The following ATP2C1 variants were observed in gnomAD, a reference collection of about 807,000 sequenced individuals.
ATP2C1 encodes the protein calcium-transporting ATPase type 2C member 1.
In ATP2C1, 31 loss-of-function variants were observed where a neutral mutation model predicts 120.5. The observed-to-expected ratio is 0.26, with a 90% CI of 0.19 to 0.35. ATP2C1 has a LOEUF of 0.35. Among genes scored for constraint, ATP2C1 ranks in the 10% least tolerant of loss-of-function variants. The probability of loss-of-function intolerance (pLI) is 1.00; values close to 1 mark genes in which losing one functional copy is unlikely to be tolerated. For synonymous variants in ATP2C1, 351 were observed against 358.7 expected (o/e 0.98, Z 0.24); for missense variants, 731 against 1,107.5 (o/e 0.66, Z 4.83).
chr3:130,972,221 A>G (rs192226008), intron 17 of ATP2C1, among the ~76,000 whole-genome samples: 52 of 152,292 alleles, frequency 3.4e-4, no homozygotes, highest in Admixed American at 9.1e-4. Context: ...GAGCTCAGGC[A>G]GTAGTGCTCT....
At chr3:130,953,683 T>C in intron 8 of ATP2C1, 138 bp from the exon 9 acceptor site, 6 of 901,928 alleles carry the variant, frequency 6.7e-6, no homozygotes, top group South Asian at 5.4e-5. Flanking sequence ...TCTGGTCTTT[T>C]AGAGTGATGG....
chr3:131,015,920 A>C (rs2063604211), intron 26 of ATP2C1: 5 of 672,574 alleles, frequency 7.4e-6, no homozygotes, highest in South Asian at 6.5e-5. Flanking sequence ...TTAAAATTGG[A>C]TTGAATCATG....
chr3:130,999,961 C>T (rs1316453019), intron 27 of ATP2C1, among the ~76,000 whole-genome samples: 1 of 152,114 alleles, frequency 6.6e-6, no homozygotes, highest in Non-Finnish European at 1.5e-5. Context: ...ACTATGCCAT[C>T]TTGTATGAAG....
chr3:130,940,905 ATTTTTTTTTTTTTTT>A (rs749879416), intron 7 of ATP2C1, among the ~76,000 whole-genome samples: 4 of 86,072 alleles, frequency 4.6e-5, no homozygotes, highest in South Asian at 4.6e-4. Context: ...TATTTAACAG[ATTTTTTTTTTTTTTT>A]TTTTTTTTTT....
chr3:130,909,603 A>G (rs2058294581), intron 2 of ATP2C1, among the ~76,000 whole-genome samples: 1 of 152,112 alleles, frequency 6.6e-6, no homozygotes, highest in African/African-American at 2.4e-5. Context: ...AGACTTCTCA[A>G]GGTATGGTTG....
intron 1 of ATP2C1, among the ~76,000 whole-genome samples, chr3:130,881,382 C>T (rs376201610): frequency 7.3e-5 from 11 of 151,026 alleles, no homozygotes; most frequent in African/African-American, 1.9e-4. Context: ...CCCTTCCCCT[C>T]CTTTGTCTCT....
intron 26 of ATP2C1, among the ~76,000 whole-genome samples, chr3:131,013,341 G>T (rs1190336123): frequency 6.6e-6 from 1 of 152,124 alleles, no homozygotes; most frequent in African/African-American, 2.4e-5. Flanking sequence ...AAAATGCTGG[G>T]TATGACTCAT....
chr3:130,893,947 A>G (rs2069329427), upstream of ATP2C1: 2 of 985,562 alleles, frequency 2.0e-6, no homozygotes, highest in South Asian at 9.4e-5. Flanking sequence ...GCCCGTGAAC[A>G]CGAATGCGCC....
At chr3:130,875,406 C>T (rs550972051) in intron 1 of ATP2C1, among the ~76,000 whole-genome samples, 1 of 152,298 alleles carries the variant, frequency 6.6e-6, no homozygotes, top group South Asian at 2.1e-4. Context: ...ATTTATTTCA[C>T]TTAACATAAC....
At chr3:130,940,558 T>C in intron 6 of ATP2C1, 72 bp from the exon 7 acceptor site, 1 of 984,538 alleles carries the variant, frequency 1.0e-6, no homozygotes, top group Non-Finnish European at 1.6e-6. Flanking sequence ...AAATAATGAT[T>C]GAGATTAATA....
chr3:130,949,152 G>T (rs1435934775), intron 8 of ATP2C1, among the ~76,000 whole-genome samples: 8 of 152,152 alleles, frequency 5.3e-5, no homozygotes, highest in African/African-American at 1.9e-4. Flanking sequence ...ACTGAGGAAT[G>T]CATGTCAAAA....
intron 1 of ATP2C1, among the ~76,000 whole-genome samples, chr3:130,863,971 G>A (rs370237356): frequency 1.3e-5 from 2 of 152,198 alleles, no homozygotes; most frequent in African/African-American, 4.8e-5. Context: ...AGAGTGGGGT[G>A]TTGCTGAAAA....
At chr3:130,899,535 G>C (rs1053698759) in intron 2 of ATP2C1, 2 of 152,114 alleles carry the variant, frequency 1.3e-5, no homozygotes, top group Non-Finnish European at 2.9e-5. Context: ...TTGCTGTCTC[G>C]GGTGACAGAA....
intron 26 of ATP2C1, among the ~76,000 whole-genome samples, chr3:131,012,518 A>G (rs907369745): frequency 1.3e-5 from 2 of 152,236 alleles, no homozygotes; most frequent in Admixed American, 1.3e-4. Context: ...TTGGCCTTCC[A>G]AAGTGCTGGG....
chr3:131,006,579 T>G (rs2063120138), downstream of ATP2C1, among the ~76,000 whole-genome samples: 1 of 152,078 alleles, frequency 6.6e-6, no homozygotes, highest in Non-Finnish European at 1.5e-5. Flanking sequence ...TTACCTCTAC[T>G]TCAGAGCCCA....
intron 18 of ATP2C1, among the ~76,000 whole-genome samples, chr3:130,977,011 C>A (rs1389850307): frequency 2.0e-5 from 3 of 152,162 alleles, no homozygotes; most frequent in Admixed American, 1.3e-4. Context: ...GTTCCCCTTA[C>A]ACTCCTCAAC....
chr3:130,889,318 AATG>A (rs1462206732), upstream of ATP2C1, among the ~76,000 whole-genome samples: 2 of 152,222 alleles, frequency 1.3e-5, no homozygotes, highest in African/African-American at 4.8e-5. Context: ...CATTTAATGA[AATG>A]ATGTTGAACA....
intron 21 of ATP2C1, 141 bp from the exon 22 acceptor site, chr3:130,993,791 G>C: frequency 1.2e-6 from 1 of 850,204 alleles, no homozygotes; most frequent in Non-Finnish European, 1.9e-6. Flanking sequence ...ATTTGTTGAA[G>C]TTCATTGAAC....
intron 19 of ATP2C1, 155 bp from the exon 20 acceptor site, chr3:130,980,427 A>T: frequency 3.3e-6 from 2 of 608,594 alleles, no homozygotes; most frequent in Non-Finnish European, 5.9e-6. Context: ...GTCAAACATA[A>T]AACTCCAGAC....
Sources: allele counts gnomAD v4.1 joint callset (sites outside exome capture counted in the v4.1 genomes callset), GRCh38; gene constraint gnomAD v4.1.1; transcripts MANE v1.5; gene names NCBI Gene and HGNC (gene_info 2026-07-23, HGNC 2026-07-21).